KIF13A: variants seen among roughly 807,000 people sequenced by gnomAD.
The protein encoded by KIF13A is kinesin family member 13A.
A neutral mutation model predicts 212.2 loss-of-function variants in KIF13A; 79 were observed. The ratio of observed to expected loss-of-function variants is 0.37; its 90% confidence interval spans 0.31 to 0.45. The LOEUF is 0.45. Ranked by LOEUF, KIF13A falls within the 20% of genes least tolerant of loss-of-function variation. The pLI, the probability that KIF13A is intolerant of heterozygous loss-of-function variation, is 1.00. For missense variants in KIF13A, 1,901 were observed against 2,209.0 expected, an observed-to-expected ratio of 0.86 and a Z score of 2.79; for synonymous variants, 789 against 808.6, an observed-to-expected ratio of 0.98 and a Z score of 0.41.
intron 2 of KIF13A, among the ~76,000 whole-genome samples, chr6:17,931,217 A>G (rs1052864787): frequency 6.6e-6 from 1 of 152,200 alleles, no homozygotes; most frequent in African/African-American, 2.4e-5. Flanking sequence ...CGAGAGCTGG[A>G]TTATCACTTT....
intron 2 of KIF13A, among the ~76,000 whole-genome samples, chr6:17,976,502 C>T (rs969138872): frequency 6.6e-6 from 1 of 152,216 alleles, no homozygotes; most frequent in Admixed American, 6.5e-5. Context: ...GCCAAGCCCA[C>T]GCCCACCCAG....
chr6:17,800,254 G>T (rs780904484), intron 20 of KIF13A, 141 bp from the exon 21 acceptor site: 2 of 741,412 alleles, frequency 2.7e-6, no homozygotes, highest in Non-Finnish European at 2.1e-6. Flanking sequence ...CGGGAGCCCT[G>T]CTACTACCAG....
At chr6:17,896,701 C>A (rs1371007621) in intron 3 of KIF13A, among the ~76,000 whole-genome samples, 1 of 152,230 alleles carries the variant, frequency 6.6e-6, no homozygotes, top group East Asian at 1.9e-4. Flanking sequence ...GCTATATATA[C>A]TCACTAGAAA....
chr6:17,909,697 C>A (rs1486613274), intron 2 of KIF13A, among the ~76,000 whole-genome samples: 1 of 151,428 alleles, frequency 6.6e-6, no homozygotes. Flanking sequence ...GAGTTCAAGA[C>A]CAGTCTGGCC....
chr6:17,784,677 A>G (rs1760896386), intron 28 of KIF13A, among the ~76,000 whole-genome samples: 1 of 152,162 alleles, frequency 6.6e-6, no homozygotes, highest in South Asian at 2.1e-4. Flanking sequence ...TAAGGAGACA[A>G]ACTGTCTAGA....
At chr6:17,889,462 CT>C (rs1771844794) in intron 3 of KIF13A, among the ~76,000 whole-genome samples, 1 of 152,068 alleles carries the variant, frequency 6.6e-6, no homozygotes, top group Admixed American at 6.6e-5. Flanking sequence ...TTATAAGATA[CT>C]AAACAAAACA....
chr6:17,863,759 C>G (rs937980865), intron 4 of KIF13A, among the ~76,000 whole-genome samples: 3 of 151,996 alleles, frequency 2.0e-5, no homozygotes, highest in Non-Finnish European at 4.4e-5. Context: ...CTTGAAGAGA[C>G]CCTAGTTTAT....
intron 2 of KIF13A, among the ~76,000 whole-genome samples, chr6:17,913,573 G>A (rs1216943192): frequency 6.6e-6 from 1 of 152,122 alleles, no homozygotes. Flanking sequence ...TGAGAGGCAG[G>A]TGAGGACAAA....
intron 2 of KIF13A, among the ~76,000 whole-genome samples, chr6:17,952,253 G>A (rs1304023078): frequency 2.0e-5 from 3 of 149,432 alleles, no homozygotes; most frequent in Admixed American, 6.7e-5. Context: ...GCCATGAGCC[G>A]AGATAGCGCC....
chr6:17,821,222 T>G (rs999033207), intron 16 of KIF13A, among the ~76,000 whole-genome samples: 3 of 152,184 alleles, frequency 2.0e-5, no homozygotes, highest in African/African-American at 7.2e-5. Context: ...TTATTTTGTC[T>G]GATTCCTATT....
intron 2 of KIF13A, among the ~76,000 whole-genome samples, chr6:17,931,865 G>A (rs753121819): frequency 2.0e-5 from 3 of 152,142 alleles, no homozygotes; most frequent in African/African-American, 7.2e-5. Context: ...AAGAGCCCCA[G>A]TAATCCCATT....
At chr6:17,851,060 T>G (rs974441592) in intron 7 of KIF13A, among the ~76,000 whole-genome samples, 1 of 152,264 alleles carries the variant, frequency 6.6e-6, no homozygotes, top group Non-Finnish European at 1.5e-5. Context: ...CCCTGGCTCC[T>G]ACTAGTAAGT....
chr6:17,978,723 T>C (rs934540359), intron 2 of KIF13A, among the ~76,000 whole-genome samples: 5 of 152,244 alleles, frequency 3.3e-5, no homozygotes, highest in African/African-American at 1.2e-4. Flanking sequence ...GAATGTTTAC[T>C]ATTTGAGGGA....
At chr6:17,901,340 G>A (rs1773043560) in intron 2 of KIF13A, among the ~76,000 whole-genome samples, 2 of 152,030 alleles carry the variant, frequency 1.3e-5, no homozygotes. Flanking sequence ...ATATTACAAT[G>A]TAAAAATAAA....
chr6:17,984,066 G>A lies in KIF13A; in HGVS notation c.146+2988C>T. 6.6e-6 allele frequency among the ~76,000 whole-genome samples: 1 copy of A among 152,250 alleles called. No homozygotes were observed. The highest frequency in any genetic ancestry group is 2.4e-5 in the African/African-American group (1 of 41,534). ...TAAGTGCCAGTATGCAGGAGCATGA[G>A]GTACAAAGAGAAGTAGGATAAGGTA... On this transcript the variant is annotated intron_variant, in intron 2 of 38. Coordinates refer to ENST00000259711, the MANE Select transcript of KIF13A (RefSeq NM_022113.6). The surrounding 1 kb of genome is among the most constrained non-coding windows in gnomAD (Gnocchi z 5.0).
At position 17,777,810 on chromosome 6, in the gene KIF13A, T is replaced by A. The variant is rs1760136234; in HGVS notation, c.4093-456A>T. Among the ~76,000 whole-genome samples the A allele has an allele frequency of 6.6e-6, 1 of 151,282 alleles. No individual in the cohort carries two copies. ...GAAATATTATTTTACCCACTTATTATTATTTGTTTAGCAATTTATCAAAAA... is the reference window on the plus strand; with the variant it reads ...GAAATATTATTTTACCCACTTATTAATATTTGTTTAGCAATTTATCAAAAA... On this transcript the variant is annotated intron_variant, in intron 33 of 38. Coordinates refer to ENST00000259711, the MANE Select transcript of KIF13A (RefSeq NM_022113.6). The surrounding 1 kb of genome is among the most constrained non-coding windows in gnomAD (Gnocchi z 4.4).
In KIF13A at chr6:17,871,015, C is replaced by T. The variant is rs971993207; in HGVS notation, c.220+2362G>A. ...AGTAAATTGTCCAAGAGAACCAAGG[C>T]AGAGGTCCTGAAATTCAAACACAGG... On this transcript the variant is annotated intron_variant, in intron 4 of 38. Transcript: ENST00000259711. The surrounding 1 kb of genome is among the most constrained non-coding windows in gnomAD (Gnocchi z 4.4). Among the ~76,000 whole-genome samples the T allele has an allele frequency of 1.2e-4, 18 of 152,212 alleles. No individual in the cohort carries two copies. The highest frequency in any genetic ancestry group is 4.3e-4 in the African/African-American group (18 of 41,444).
At chr6:17,879,298 G>GT (rs1199994218) in intron 3 of KIF13A, among the ~76,000 whole-genome samples, 1 of 152,084 alleles carries the variant, frequency 6.6e-6, no homozygotes, top group Non-Finnish European at 1.5e-5. Flanking sequence ...CATAGTGCCT[G>GT]TTTCAGTATT....
rs1403920671 is a variant in KIF13A at position 17,886,924 on chromosome 6, G to C, written c.159+11244C>G. ...AAAAAGTCTTGGGAAATTTTTAGAA[G>C]GATGATTTATAATGACAAAGTGTGG... On this transcript the variant is annotated intron_variant, in intron 3 of 38. Transcript: ENST00000259711. The surrounding 1 kb of genome is among the most constrained non-coding windows in gnomAD (Gnocchi z 5.6). 6.6e-6 allele frequency among the ~76,000 whole-genome samples: 1 copy of C among 152,028 alleles called. No individual in the cohort carries two copies. Among genetic ancestry groups the C allele is most frequent in the Non-Finnish European group, 1.5e-5 (1 of 67,998 alleles).
Sources: gnomAD v4.1 joint callset for allele counts (sites outside exome capture counted in the v4.1 genomes callset) on GRCh38, gnomAD v4.1.1 for gene constraint, Gnocchi (gnomAD v3.1) non-coding constraint, MANE v1.5 for transcripts, NCBI Gene and HGNC (gene_info 2026-07-23, HGNC 2026-07-21) for gene names.